Variants in MFN1 observed in about 807,000 individuals in gnomAD.
MFN1 encodes the protein mitofusin-1.
A neutral mutation model predicts 92.4 loss-of-function variants in MFN1; 65 were observed. The ratio of observed to expected loss-of-function variants is 0.70; its 90% CI spans 0.58 to 0.86. MFN1 has a LOEUF of 0.86. Ranked by LOEUF, MFN1 falls within the 40% of genes least tolerant of loss-of-function variation. MFN1 has a pLI of 0.00. For synonymous variants in MFN1, 297 were observed against 300.9 expected (o/e 0.99, Z 0.13); for missense variants, 781 against 868.0 (o/e 0.90, Z 1.26).
At chr3:179,382,083 T>A (rs1560199815) in intron 14 of MFN1, among the ~76,000 whole-genome samples, 1 of 151,832 alleles carries the variant, frequency 6.6e-6, no homozygotes, top group African/African-American at 2.4e-5. Flanking sequence ...AATTTTTTTT[T>A]ATTATACTTT....
intron 14 of MFN1, among the ~76,000 whole-genome samples, chr3:179,384,307 G>A (rs914294830): frequency 2.0e-5 from 3 of 152,248 alleles, no homozygotes; most frequent in South Asian, 2.1e-4. Context: ...TTATGTGGAC[G>A]TGCGTTTTCA....
intron 5 of MFN1, among the ~76,000 whole-genome samples, 183 bp downstream of exon 5, chr3:179,362,665 A>G (rs1191989802): frequency 2.6e-5 from 4 of 152,172 alleles, no homozygotes; most frequent in Non-Finnish European, 4.4e-5. Context: ...CCAATTCATC[A>G]CTCTGATTCC....
chr3:179,370,651 C>T (rs1393200876), intron 9 of MFN1, among the ~76,000 whole-genome samples: 1 of 152,054 alleles, frequency 6.6e-6, no homozygotes, highest in Non-Finnish European at 1.5e-5. Flanking sequence ...ACCTCATGAT[C>T]CACCCGCCTT....
In MFN1 at chr3:179,393,944, C is replaced by A. The variant is rs761301425; in HGVS notation, c.*1885C>A. ...TGATCATGGCTCACTGCAGCCTCAA[C>A]CTCTCGGGTTCAGGTGATCCTCCCA... On this transcript the variant is annotated 3_prime_UTR_variant, in exon 18 of 18. Transcript: ENST00000471841. 6.6e-6 allele frequency: 1 copy of A among 152,250 alleles called. No individual in the cohort carries two copies. Among genetic ancestry groups the A allele is most frequent in the East Asian group, 1.9e-4 (1 of 5,182 alleles). The allele number at this position is 152,250 out of a possible 1,614,324, so 9.4% of individuals were successfully genotyped here. A position where few individuals can be genotyped will look rare whatever the true frequency, so the allele number is the denominator to read the frequency against.
chr3:179,385,799 T>C (rs183475224), intron 15 of MFN1, 78 bp downstream of exon 15: 6 of 1,323,482 alleles, frequency 4.5e-6, no homozygotes, highest in Non-Finnish European at 6.4e-6. Context: ...AGAAAAGGTA[T>C]ACAGTATTTA....
chr3:179,350,435 C>T (rs1196351014), intron 2 of MFN1, among the ~76,000 whole-genome samples: 1 of 151,946 alleles, frequency 6.6e-6, no homozygotes, highest in African/African-American at 2.4e-5. Flanking sequence ...TTTGAGCTGG[C>T]ACAGTTGACT....
intron 5 of MFN1, among the ~76,000 whole-genome samples, 160 bp from the exon 6 acceptor site, chr3:179,364,137 T>C (rs935926056): frequency 6.6e-6 from 1 of 152,222 alleles, no homozygotes; most frequent in Admixed American, 6.5e-5. Context: ...TTATTTGCTT[T>C]GTCAAAGATC....
intron 9 of MFN1, among the ~76,000 whole-genome samples, chr3:179,368,593 C>T (rs1712896622): frequency 6.6e-6 from 1 of 152,104 alleles, no homozygotes. Flanking sequence ...ATATTTTGTG[C>T]CAAACATTCT....
intron 5 of MFN1, among the ~76,000 whole-genome samples, chr3:179,363,960 G>C (rs1352675685): frequency 6.6e-6 from 1 of 151,748 alleles, no homozygotes; most frequent in Non-Finnish European, 1.5e-5. Context: ...AGTACAGTTG[G>C]TATATTAAAT....
At chr3:179,376,891 G>A (rs538642638) in intron 10 of MFN1, 151 bp from the exon 11 acceptor site, 25 of 641,404 alleles carry the variant, frequency 3.9e-5, no homozygotes, top group Middle Eastern at 4.7e-4. Flanking sequence ...CTTTATAAGT[G>A]AAATATTACT....
chr3:179,380,196 A>G (rs1310556764), intron 14 of MFN1, among the ~76,000 whole-genome samples: 2 of 152,250 alleles, frequency 1.3e-5, no homozygotes, highest in African/African-American at 4.8e-5. Context: ...GAATTTGCCA[A>G]GATTGTCTCT....
intron 7 of MFN1, among the ~76,000 whole-genome samples, chr3:179,365,759 A>G (rs1712762925): frequency 6.6e-6 from 1 of 152,220 alleles, no homozygotes; most frequent in African/African-American, 2.4e-5. Flanking sequence ...AACTTTATAT[A>G]ACAGAATTAT....
intron 8 of MFN1, 66 bp from the exon 9 acceptor site, chr3:179,367,970 A>G: frequency 1.1e-6 from 1 of 924,356 alleles, no homozygotes; most frequent in Non-Finnish European, 1.5e-6. Context: ...TTATAAAATC[A>G]GTAGCCTACC....
At chr3:179,385,160 A>G (rs1305035051) in intron 14 of MFN1, among the ~76,000 whole-genome samples, 2 of 148,770 alleles carry the variant, frequency 1.3e-5, no homozygotes, top group Admixed American at 1.3e-4. Flanking sequence ...AGATCCATCC[A>G]CCTCGGCCTC....
intron 14 of MFN1, among the ~76,000 whole-genome samples, chr3:179,381,368 T>C (rs750585593): frequency 4.6e-5 from 7 of 152,212 alleles, no homozygotes; most frequent in Non-Finnish European, 1.0e-4. Context: ...ATGTTTCTTC[T>C]CACCTAACAA....
At chr3:179,367,854 C>T (rs1451007940) in intron 8 of MFN1, among the ~76,000 whole-genome samples, 182 bp from the exon 9 acceptor site, 1 of 150,774 alleles carries the variant, frequency 6.6e-6, no homozygotes, top group Non-Finnish European at 1.5e-5. Context: ...ACCCAGGAGG[C>T]GGAGGTTGCA....
intron 9 of MFN1, 31 bp downstream of exon 9, chr3:179,368,134 C>A: frequency 1.4e-6 from 2 of 1,473,548 alleles, no homozygotes; most frequent in Admixed American, 2.0e-5. Context: ...TTGCCTAATA[C>A]AAAACTCTTT....
chr3:179,377,220 G>T (rs538776795), intron 11 of MFN1, 52 bp downstream of exon 11: 1 of 1,574,710 alleles, frequency 6.4e-7, no homozygotes, highest in Admixed American at 1.9e-5. Flanking sequence ...AATTATTTTT[G>T]ATAATGCTAA....
chr3:179,362,277 A>C, intron 4 of MFN1, 81 bp from the exon 5 acceptor site: 1 of 1,371,518 alleles, frequency 7.3e-7, no homozygotes, highest in Non-Finnish European at 9.6e-7. Context: ...TTTTGCTAAA[A>C]TAAATGTACC....
Sources: allele counts gnomAD v4.1 joint callset (sites outside exome capture counted in the v4.1 genomes callset), GRCh38; gene constraint gnomAD v4.1.1; transcripts MANE v1.5; gene names NCBI Gene and HGNC (gene_info 2026-07-23, HGNC 2026-07-21).